Variants in PPP1R1A observed in about 807,000 individuals in gnomAD.
PPP1R1A encodes the protein protein phosphatase 1 regulatory subunit 1A.
In PPP1R1A, 18 loss-of-function variants were observed where a neutral mutation model predicts 23.9. The observed-to-expected ratio is 0.75, with a 90% confidence interval of 0.52 to 1.12. The LOEUF (loss-of-function observed/expected upper bound fraction) is 1.12, where lower values mean the gene tolerates loss of function less well. Ranked by LOEUF, PPP1R1A falls within the 50% of genes most tolerant of loss-of-function variation. The pLI is 0.00. For missense variants in PPP1R1A, 207 were observed against 223.8 expected (o/e 0.92, Z 0.48); for synonymous variants, 84 against 80.7 (o/e 1.04, Z -0.22).
At chr12:54,580,891 C>A (rs771346881) in intron 6 of PPP1R1A, 53 bp downstream of exon 6, 3 of 1,431,432 alleles carry the variant, frequency 2.1e-6, no homozygotes, top group Non-Finnish European at 3.0e-6. Context: ...TGCTTTTGTC[C>A]ACAATATTAG....
chr12:54,583,857 T>C (rs1957882321), intron 2 of PPP1R1A, among the ~76,000 whole-genome samples: 1 of 152,216 alleles, frequency 6.6e-6, no homozygotes, highest in Non-Finnish European at 1.5e-5. Flanking sequence ...AGCTGCTCCC[T>C]GAGCTGCTTC....
At chr12:54,582,177 G>C (rs1349149168) in intron 4 of PPP1R1A, 46 bp from the exon 5 acceptor site, 1 of 1,562,628 alleles carries the variant, frequency 6.4e-7, no homozygotes, top group Non-Finnish European at 8.7e-7. Flanking sequence ...TGACTGCCTA[G>C]CGTCTCCCCT....
At chr12:54,586,800 A>G (rs1379082333) in intron 1 of PPP1R1A, among the ~76,000 whole-genome samples, 1 of 151,184 alleles carries the variant, frequency 6.6e-6, no homozygotes, top group African/African-American at 2.4e-5. Context: ...CACCTACTAC[A>G]CCTGCCTCCT....
Position 54,582,050 on chromosome 12 carries a change from G to C in PPP1R1A, c.329C>G (p.Thr110Ser). Residue 110 changes from threonine to serine, a missense_variant, in exon 5 of 7, where the codon ACC (threonine) becomes AGC (serine). Transcript: ENST00000257905. The stretch of plus-strand genomic sequence containing the variant: ...GATCCCAGGTGGGCGGGACTCCTGG[G>C]TTCCTGTGCTCTCAGCGGCCCCCTC... ...EPEGAAESTG[T>S]QESRPPGIPD... The C allele has an allele frequency of 1.2e-6, 2 of 1,613,834 alleles. No individual in the cohort carries two copies. Among genetic ancestry groups the C allele is most frequent in the African/African-American group, 2.7e-5 (2 of 75,024 alleles).
chr12:54,582,136 G>A lies in PPP1R1A; in HGVS notation c.248-5C>T, dbSNP rs1424011821. 2 of 1,611,262 alleles carry A rather than the reference G, an allele frequency of 1.2e-6. No individual in the cohort carries two copies. Among genetic ancestry groups the A allele is most frequent in the Admixed American group, 1.7e-5 (1 of 59,690 alleles). Reference sequence around the variant, plus strand: ...GTTCAACCATCATCTGGAGCTCTGGGGACACAGAGAAAGGGAGGGAACACT... The same window carrying A: ...GTTCAACCATCATCTGGAGCTCTGGAGACACAGAGAAAGGGAGGGAACACT... On this transcript the variant is annotated splice_region_variant and splice_polypyrimidine_tract_variant and intron_variant, in intron 4 of 6. Transcript: ENST00000257905.
chr12:54,579,578 A>T lies in PPP1R1A; in HGVS notation c.*809T>A. The T allele has an allele frequency of 1.0e-6, 1 of 985,344 alleles. No individual in the cohort carries two copies. Among genetic ancestry groups the T allele is most frequent in the East Asian group, 1.1e-4 (1 of 8,800 alleles). The allele number at this position is 985,344 out of a possible 1,614,324, so 61.0% of individuals were successfully genotyped here. A position where few individuals can be genotyped will look rare whatever the true frequency, so the allele number is the denominator to read the frequency against. On this transcript the variant is annotated 3_prime_UTR_variant, in exon 7 of 7. Transcript: ENST00000257905. ...AGCAGGAGAGAGGCCTGGCCGTGAG[A>T]TCTGAGACAGTTTCTTCTCTTATGC...
Position 54,588,415 on chromosome 12 carries a change from G to A in PPP1R1A, c.74C>T (p.Ala25Val), listed in dbSNP as rs1359850462. 1.5e-5 allele frequency: 23 copies of A among 1,498,590 alleles called. No homozygotes were observed. The highest frequency in any genetic ancestry group is 2.1e-5 in the Non-Finnish European group (23 of 1,119,040). 92.8% of individuals were successfully genotyped at this position (1,498,590 alleles called of 1,614,324 possible). ...CGCCCTGCTCCGCACCTGCTCCGCC[G>A]CCTCGGGGTCAAGGTGCGGCTCCAG... The part of the protein sequence containing the change: ...PLLEPHLDPE[A>V]AEQIRRRRPT... Residue 25 changes from alanine (A) to valine (V), a missense_variant, in exon 1 of 7, where the codon GCG becomes GTG. Ala to Val is a moderately conservative substitution (Grantham distance 64, BLOSUM62 0). Coordinates refer to ENST00000257905, the MANE Select transcript of PPP1R1A (RefSeq NM_006741.4).
chr12:54,586,784 C>T (rs1360670083), intron 1 of PPP1R1A, among the ~76,000 whole-genome samples: 1 of 152,160 alleles, frequency 6.6e-6, no homozygotes, highest in African/African-American at 2.4e-5. Flanking sequence ...CCTCCTCCTC[C>T]CTACCCACCT....
At chr12:54,582,581 G>T in intron 4 of PPP1R1A, 151 bp downstream of exon 4, 1 of 893,652 alleles carries the variant, frequency 1.1e-6, no homozygotes, top group Non-Finnish European at 1.8e-6. Context: ...CAGCTAGTCA[G>T]TGGCAAAACT....
intron 3 of PPP1R1A, 99 bp from the exon 4 acceptor site, chr12:54,582,894 CT>C: frequency 1.6e-6 from 2 of 1,268,402 alleles, no homozygotes; most frequent in Non-Finnish European, 2.2e-6. Context: ...CCCCCCTTGC[CT>C]TCCTCCTCTG....
At position 54,588,434 on chromosome 12, in the gene PPP1R1A, G is replaced by A. The variant is rs182798718; in HGVS notation, c.55C>T (p.Pro19Ser). The A allele has an allele frequency of 3.0e-4, 456 of 1,499,938 alleles. 2 individuals are homozygous for A. In the African/African-American group the frequency reaches 6.2e-3, roughly 20 times the overall value. The allele number at this position is 1,499,938 out of a possible 1,614,324, so 92.9% of individuals were successfully genotyped here. ...TCCGCCGCCTCGGGGTCAAGGTGCG[G>A]CTCCAGCAGCGGGACCGTGAACTGG... is the stretch of plus-strand genomic sequence containing the variant. ...KIQFTVPLLE[P>S]HLDPEAAEQI... is the part of the protein sequence containing the mutation. The change falls in exon 1 of 7, where the codon CCG becomes TCG. Residue 19 changes from proline (P) to serine (S), a missense_variant. Physicochemically the swap from Pro to Ser is moderately conservative, Grantham distance 74 (BLOSUM62 -1). Transcript: ENST00000257905.
chr12:54,584,180 C>T (rs1212098115), intron 2 of PPP1R1A, 80 bp downstream of exon 2: 7 of 1,359,058 alleles, frequency 5.2e-6, no homozygotes, highest in Non-Finnish European at 7.2e-6. Context: ...TGTTCTTCTT[C>T]CATCTAGCGC....
In PPP1R1A at chr12:54,583,262, G is replaced by A; in HGVS notation, c.146-14C>T. ...CTTCATCTATCTCTGAAGGGAACAG[G>A]GAAAGGAGAGGGTGATAAGGACAGG... On this transcript the variant is annotated splice_polypyrimidine_tract_variant and intron_variant, in intron 2 of 6. Transcript: ENST00000257905. 1 of 1,506,346 alleles carries A rather than the reference G, an allele frequency of 6.6e-7. No individual in the cohort carries two copies. Among genetic ancestry groups the A allele is most frequent in the Non-Finnish European group, 8.8e-7 (1 of 1,131,218 alleles). The allele number at this position is 1,506,346 out of a possible 1,614,324, so 93.3% of individuals were successfully genotyped here.
rs1957842183 is a variant in PPP1R1A, at chr12:54,580,281, T to G, written c.*106A>C. Reference sequence around the variant, plus strand: ...AAGGACCTAACACCAAATTTATCACTTTTTAAAAACAAGAGATTTTCCCCA... The same window carrying G: ...AAGGACCTAACACCAAATTTATCACGTTTTAAAAACAAGAGATTTTCCCCA... On this transcript the variant is annotated 3_prime_UTR_variant, in exon 7 of 7. Transcript: ENST00000257905. 3 of 1,555,142 alleles carry G rather than the reference T, an allele frequency of 1.9e-6. No individual in the cohort carries two copies. The highest frequency in any genetic ancestry group is 2.6e-6 in the Non-Finnish European group (3 of 1,150,100).
chr12:54,584,186 A>G (rs557910992), intron 2 of PPP1R1A, 74 bp downstream of exon 2: 2 of 1,385,330 alleles, frequency 1.4e-6, no homozygotes, highest in African/African-American at 1.4e-5. Flanking sequence ...TCTTCCATCT[A>G]GCGCCCATCT....
At position 54,582,662 on chromosome 12, in the gene PPP1R1A, A is replaced by G. The variant is rs536007751; in HGVS notation, c.247+70T>C. 4.8e-5 allele frequency: 74 copies of G among 1,546,520 alleles called. No homozygotes were observed. The African/African-American group carries it at 9.7e-4, about 20-fold the overall frequency. ...AGGCAGATTTAACGACCTCCCTTCC[A>G]AAGGGCATTCGGTCTCCTCTTCAGC... On this transcript the variant is annotated intron_variant, in intron 4 of 6. Coordinates refer to ENST00000257905, the MANE Select transcript of PPP1R1A (RefSeq NM_006741.4).
intron 1 of PPP1R1A, among the ~76,000 whole-genome samples, chr12:54,586,444 T>C (rs1330148915): frequency 6.6e-6 from 1 of 152,168 alleles, no homozygotes; most frequent in African/African-American, 2.4e-5. Context: ...CTCGGATTTC[T>C]TTCCAAAGCA....
intron 2 of PPP1R1A, 37 bp downstream of exon 2, chr12:54,584,223 G>GC: frequency 6.5e-6 from 10 of 1,531,646 alleles, no homozygotes; most frequent in Non-Finnish European, 8.9e-6. Context: ...TGCCATAGTG[G>GC]CCCCCACGCC....
At chr12:54,582,650 G>A (rs1957866732) in intron 4 of PPP1R1A, 82 bp downstream of exon 4, 16 of 1,487,622 alleles carry the variant, frequency 1.1e-5, no homozygotes, top group Middle Eastern at 1.8e-4. Flanking sequence ...CAGATTTAAC[G>A]ACCTCCCTTC....
Sources: gnomAD v4.1 joint callset for allele counts (sites outside exome capture counted in the v4.1 genomes callset) on GRCh38, gnomAD v4.1.1 for gene constraint, MANE v1.5 for transcripts, NCBI Gene and HGNC (gene_info 2026-07-23, HGNC 2026-07-21) for gene names.